TRPM3: variants seen among roughly 807,000 people sequenced by gnomAD.
TRPM3 encodes long transient receptor potential channel 3.
A neutral mutation model predicts 181.2 loss-of-function variants in TRPM3; 77 were observed. That is an observed-to-expected ratio of 0.42 (90% CI 0.35 to 0.51). The LOEUF is 0.51. Among genes scored for constraint, TRPM3 ranks in the 20% least tolerant of loss-of-function variants. TRPM3 has a pLI of 0.01. For missense variants in TRPM3, 1,759 were observed against 2,196.7 expected (o/e 0.80, Z 3.98); for synonymous variants, 745 against 796.4 (o/e 0.94, Z 1.09).
chr9:70,907,351 G>C (rs1407692280), intron 1 of TRPM3, among the ~76,000 whole-genome samples: 1 of 152,146 alleles, frequency 6.6e-6, no homozygotes, highest in Non-Finnish European at 1.5e-5. Context: ...TGTAGTGCCA[G>C]TTTTTACATT....
chr9:70,684,594 GA>G (rs201016746), intron 8 of TRPM3, among the ~76,000 whole-genome samples: 8,053 of 150,706 alleles, frequency 0.053, 274 homozygotes, highest in South Asian at 0.12. Context: ...ATCTGCTTCA[GA>G]AAAAAAAAGT....
At chr9:71,169,404 T>C (rs2076726021) in intron 1 of TRPM3, among the ~76,000 whole-genome samples, 1 of 152,134 alleles carries the variant, frequency 6.6e-6, no homozygotes, top group African/African-American at 2.4e-5. Flanking sequence ...CGAGAGTATG[T>C]AGGTAAATGT....
chr9:70,810,569 A>G (rs1564401208), intron 6 of TRPM3, among the ~76,000 whole-genome samples: 2 of 152,032 alleles, frequency 1.3e-5, no homozygotes, highest in African/African-American at 4.8e-5. Context: ...ACTCATTCCA[A>G]CTGAATCAAT....
intron 1 of TRPM3, among the ~76,000 whole-genome samples, chr9:71,150,845 A>G (rs902696803): frequency 1.3e-5 from 2 of 152,210 alleles, no homozygotes; most frequent in South Asian, 2.1e-4. Context: ...TGGTTTTATT[A>G]TAAGTCTACT....
At chr9:71,225,805 C>T (rs2080569995) in intron 1 of TRPM3, among the ~76,000 whole-genome samples, 2 of 151,490 alleles carry the variant, frequency 1.3e-5, no homozygotes, top group South Asian at 4.2e-4. Context: ...TACAGGCACC[C>T]ACCACCATGA....
chr9:70,917,368 G>A, intron 1 of TRPM3: 1 of 967,738 alleles, frequency 1.0e-6, no homozygotes, highest in South Asian at 1.3e-5. Flanking sequence ...AGAGTGAAAG[G>A]CCTTCAACCA....
At position 70,828,715 on chromosome 9, in the gene TRPM3, T is replaced by TTTTTG. The variant is rs758707614; in HGVS notation, c.802-698_802-697insCAAAA. 1.7e-3 allele frequency among the ~76,000 whole-genome samples: 247 copies of TTTTTG among 143,282 alleles called. 11 individuals carry two copies. Among genetic ancestry groups the TTTTTG allele is most frequent in the African/African-American group, 3.6e-3 (144 of 39,808 alleles). The allele number at this position is 143,282 out of a possible 152,430, so 94.0% of individuals were successfully genotyped here. A position where few individuals can be genotyped will look rare whatever the true frequency, so the allele number is the denominator to read the frequency against. On this transcript the variant is annotated intron_variant, in intron 5 of 25. Coordinates refer to ENST00000677713, the MANE Select transcript of TRPM3 (RefSeq NM_001366145.2). ...TGGCCTTCCAGATTTTTTTTTTTTT[T>TTTTTG]TATAAAAAGAACAGCAATACCTATT...
chr9:70,805,807 C>T (rs2090558574), intron 6 of TRPM3, among the ~76,000 whole-genome samples: 1 of 152,152 alleles, frequency 6.6e-6, no homozygotes, highest in South Asian at 2.1e-4. Context: ...CTTTCTACTT[C>T]TCCCCAAACT....
rs560602875 is a variant in TRPM3, at chr9:70,570,949, G to C, written c.3224-17639C>G. 9.2e-5 allele frequency among the ~76,000 whole-genome samples: 14 copies of C among 151,660 alleles called. No homozygotes were observed. The South Asian group carries it at 2.3e-3, about 25-fold the overall frequency. On this transcript the variant is annotated intron_variant, in intron 22 of 25. Coordinates refer to ENST00000677713, the MANE Select transcript of TRPM3 (RefSeq NM_001366145.2). ...TTATTCCATTGTCTTTCATTTCCTTGCTTATTTTGGAAGAGATAATGAGGT... is the reference window on the plus strand; with the variant it reads ...TTATTCCATTGTCTTTCATTTCCTTCCTTATTTTGGAAGAGATAATGAGGT...
chr9:70,781,092 A>G (rs7858981), intron 7 of TRPM3, among the ~76,000 whole-genome samples: 122,839 of 151,552 alleles, frequency 0.81, 50,123 homozygotes, highest in East Asian at 0.94. Flanking sequence ...TTGGGAGGCC[A>G]GGGTGGGAGG....
intron 1 of TRPM3, among the ~76,000 whole-genome samples, chr9:71,428,525 T>C (rs1329453172): frequency 6.6e-6 from 1 of 152,114 alleles, no homozygotes; most frequent in African/African-American, 2.4e-5. Flanking sequence ...CATCATTGAG[T>C]TTCTTCAGAA....
chr9:71,228,235 T>C (rs2080819647), intron 1 of TRPM3, among the ~76,000 whole-genome samples: 1 of 152,126 alleles, frequency 6.6e-6, no homozygotes, highest in Non-Finnish European at 1.5e-5. Context: ...ACAAAAACCT[T>C]ATGATCATTT....
intron 1 of TRPM3, among the ~76,000 whole-genome samples, chr9:71,353,253 G>C (rs1057195948): frequency 6.6e-6 from 1 of 151,978 alleles, no homozygotes; most frequent in South Asian, 2.1e-4. Flanking sequence ...AGTGCTATTT[G>C]ACTCCCTATG....
chr9:71,193,560 T>A (rs186163019), intron 1 of TRPM3, among the ~76,000 whole-genome samples: 14 of 152,010 alleles, frequency 9.2e-5, no homozygotes, highest in Admixed American at 9.2e-4. Context: ...TCCCTTTATA[T>A]CTCCAACCCT....
At chr9:70,901,637 CA>C (rs2096388296) in intron 1 of TRPM3, among the ~76,000 whole-genome samples, 1 of 151,728 alleles carries the variant, frequency 6.6e-6, no homozygotes, top group African/African-American at 2.4e-5. Flanking sequence ...TTTAAGCATT[CA>C]AAAATCAAAA....
At chr9:70,649,546 C>A (rs958168664) in intron 9 of TRPM3, among the ~76,000 whole-genome samples, 1 of 151,976 alleles carries the variant, frequency 6.6e-6, no homozygotes, top group Non-Finnish European at 1.5e-5. Flanking sequence ...GGGGAAAATG[C>A]TCAGTATCAC....
At chr9:70,937,268 A>G (rs562063171) in intron 1 of TRPM3, among the ~76,000 whole-genome samples, 1 of 152,288 alleles carries the variant, frequency 6.6e-6, no homozygotes, top group African/African-American at 2.4e-5. Flanking sequence ...GTTCCATTCT[A>G]TTCTCTAGTT....
intron 1 of TRPM3, among the ~76,000 whole-genome samples, chr9:70,873,984 A>C (rs989950982): frequency 2.0e-5 from 3 of 151,974 alleles, no homozygotes; most frequent in African/African-American, 4.8e-5. Flanking sequence ...TATTTGTACT[A>C]AAATTTACTT....
intron 1 of TRPM3, among the ~76,000 whole-genome samples, chr9:71,330,922 C>T (rs528209342): frequency 6.6e-6 from 1 of 151,910 alleles, no homozygotes; most frequent in Non-Finnish European, 1.5e-5. Context: ...GGCCTAGATA[C>T]GTCTCCATTT....
Sources: gnomAD v4.1 joint callset for allele counts (sites outside exome capture counted in the v4.1 genomes callset) on GRCh38, gnomAD v4.1.1 for gene constraint, MANE v1.5 for transcripts, NCBI Gene and HGNC (gene_info 2026-07-23, HGNC 2026-07-21) for gene names.